AGAP3: variants seen among roughly 807,000 people sequenced by gnomAD.
AGAP3 encodes the protein ArfGAP with GTPase domain, ankyrin repeat and PH domain 3.
AGAP3 carries 24 observed loss-of-function variants against 96.9 expected under a neutral mutation model. The observed-to-expected ratio is 0.25, with a 90% CI of 0.18 to 0.35. AGAP3 has a LOEUF of 0.35. Among genes scored for constraint, AGAP3 ranks in the 10% least tolerant of loss-of-function variants. The pLI is 1.00. For synonymous variants in AGAP3, 563 were observed against 536.1 expected (o/e 1.05, Z -0.69); for missense variants, 876 against 1,254.2 (o/e 0.70, Z 4.55).
At position 151,143,362 on chromosome 7, in the gene AGAP3, A is replaced by G; in HGVS notation, c.2295A>G (p.Ile765Met). 6.2e-7 allele frequency: 1 copy of G among 1,612,994 alleles called. No homozygotes were observed. ...GCAGAGAGGAGAAGGAACGCTGGAT[A>G]CGGGCCAAGTATGAACAGAAGCTCT... ...DACREEKERW[I>M]RAKYEQKLFL... Residue 765 changes from isoleucine (I) to methionine (M), a missense_variant, in exon 17 of 18, where the codon ATA becomes ATG. Ile to Met is a conservative substitution (Grantham distance 10). This residue lies in a region of AGAP3 where 213 missense variants were observed against 253.8 expected (regional missense o/e 0.84). Coordinates refer to ENST00000397238, the MANE Select transcript of AGAP3 (RefSeq NM_031946.7). The surrounding 1 kb of genome is among the most constrained non-coding windows in gnomAD (Gnocchi z 5.9).
intron 8 of AGAP3, 189 bp from the exon 9 acceptor site, chr7:151,123,605 G>C: frequency 6.9e-7 from 1 of 1,442,418 alleles, no homozygotes. Context: ...GCTCTGTATG[G>C]TGCCGTGTGT....
At position 151,099,236 on chromosome 7, in the gene AGAP3, G is replaced by A. The variant is rs577923150; in HGVS notation, c.331+12164G>A. Among the ~76,000 whole-genome samples, 11 of 151,466 alleles carry A rather than the reference G, an allele frequency of 7.3e-5. No individual in the cohort carries two copies. The South Asian group carries it at 1.3e-3, about 17-fold the overall frequency. ...CGGGCGCCTGTAGTCCCAGCTACTCGGGAGGCTGAGGCAGGAGAATGGTGT... is the reference window on the plus strand; with the variant it reads ...CGGGCGCCTGTAGTCCCAGCTACTCAGGAGGCTGAGGCAGGAGAATGGTGT... On this transcript the variant is annotated intron_variant, in intron 1 of 17. Coordinates refer to ENST00000397238, the MANE Select transcript of AGAP3 (RefSeq NM_031946.7).
intron 1 of AGAP3, among the ~76,000 whole-genome samples, chr7:151,092,881 G>A (rs1193890236): frequency 6.6e-6 from 1 of 152,094 alleles, no homozygotes; most frequent in Admixed American, 6.6e-5. Context: ...AACTTTATGG[G>A]AGTCAAATGG....
Position 151,142,502 on chromosome 7 carries a change from T to G in AGAP3, c.2141T>G (p.Val714Gly). Residue 714 changes from valine (V) to glycine (G), a missense_variant, in exon 16 of 18, where the codon GTG becomes GGG. Val to Gly is a moderately radical substitution (Grantham distance 109). Transcript: ENST00000397238. This position sits in a 1 kb window ranked among gnomAD's most constrained non-coding sequence, Gnocchi z 7.5. ...CACCTGGGGGCTCACCTGTCCCGGG[T>G]GCGCTCCCTTGACCTCGATGACTGG... ...HRHLGAHLSR[V>G]RSLDLDDWPP... 1 of 1,613,590 alleles carries G rather than the reference T, an allele frequency of 6.2e-7. No homozygotes were observed.
chr7:151,121,208 C>T (rs995874480), intron 8 of AGAP3, among the ~76,000 whole-genome samples: 1 of 152,140 alleles, frequency 6.6e-6, no homozygotes, highest in African/African-American at 2.4e-5. Flanking sequence ...AGCCCGCCAC[C>T]TGCCCTCGCG....
At chr7:151,122,261 G>A (rs759536226) in intron 8 of AGAP3, among the ~76,000 whole-genome samples, 20 of 152,224 alleles carry the variant, frequency 1.3e-4, no homozygotes, top group Admixed American at 3.9e-4. Context: ...GGGCGGTGCC[G>A]CCTGTGGAGC....
At chr7:151,116,890 T>TC (rs1554466715) in intron 2 of AGAP3, 39 bp downstream of exon 2, 7 of 1,610,230 alleles carry the variant, frequency 4.3e-6, no homozygotes, top group Non-Finnish European at 2.5e-6. Flanking sequence ...GGCCTGGAGC[T>TC]GGGGGGGCGA....
Position 151,133,871 on chromosome 7 carries a change from A to T in AGAP3, c.1327-529A>T, listed in dbSNP as rs1407941587. On this transcript the variant is annotated intron_variant, in intron 10 of 17. Coordinates refer to ENST00000397238, the MANE Select transcript of AGAP3 (RefSeq NM_031946.7). The surrounding 1 kb of genome is among the most constrained non-coding windows in gnomAD (Gnocchi z 5.4). The stretch of plus-strand genomic sequence containing the variant: ...CACCTGTTGCTGTATTCCAAAGTCC[A>T]GCAAAAAGAATCAGAGGCTTCCTTT... 6.6e-6 allele frequency among the ~76,000 whole-genome samples: 1 copy of T among 152,212 alleles called. No individual in the cohort carries two copies. Among genetic ancestry groups the T allele is most frequent in the Non-Finnish European group, 1.5e-5 (1 of 68,028 alleles).
Position 151,086,916 on chromosome 7 carries a change from C to G in AGAP3, c.175C>G (p.Gln59Glu). ...PSQQLAGGPP[Q>E]QFALSNSAAI... is the part of the protein sequence containing the mutation. Reference sequence around the variant, plus strand: ...GCAGCAGCTGGCCGGCGGGCCCCCCCAGCAGTTCGCGCTCTCCAACTCCGC... The same window carrying G: ...GCAGCAGCTGGCCGGCGGGCCCCCCGAGCAGTTCGCGCTCTCCAACTCCGC... Residue 59 changes from glutamine (Q) to glutamate (E), a missense_variant, in exon 1 of 18, where the codon CAG becomes GAG. Around this residue, in one of 8 missense-constraint regions of AGAP3, gnomAD observed 62 missense variants for 82.8 expected, o/e 0.75. Coordinates refer to ENST00000397238, the MANE Select transcript of AGAP3 (RefSeq NM_031946.7). 6.3e-7 allele frequency: 1 copy of G among 1,583,226 alleles called. No individual in the cohort carries two copies. Among genetic ancestry groups the G allele is most frequent in the Non-Finnish European group, 8.6e-7 (1 of 1,166,528 alleles).
At position 151,123,480 on chromosome 7, in the gene AGAP3, C is replaced by T. The variant is rs1288988063; in HGVS notation, c.1129-314C>T. On this transcript the variant is annotated intron_variant, in intron 8 of 17. Coordinates refer to ENST00000397238, the MANE Select transcript of AGAP3 (RefSeq NM_031946.7). ...TGCTCCCGACCAGCAGCCCCACCGTCCACCTCCTCGCCCCCGCTTCTCTTA... is the reference window on the plus strand; with the variant it reads ...TGCTCCCGACCAGCAGCCCCACCGTTCACCTCCTCGCCCCCGCTTCTCTTA... 9 of 1,192,864 alleles carry T rather than the reference C, an allele frequency of 7.5e-6. No individual in the cohort carries two copies. In the East Asian group the frequency reaches 3.5e-4, roughly 47 times the overall value. The allele number at this position is 1,192,864 out of a possible 1,614,324, so 73.9% of individuals were successfully genotyped here.
intron 9 of AGAP3, among the ~76,000 whole-genome samples, chr7:151,126,087 TC>T (rs1563499440): frequency 1.1e-4 from 17 of 150,844 alleles, no homozygotes; most frequent in African/African-American, 4.1e-4. Context: ...AGCGGCCCGG[TC>T]GTTCCGCCCG....
chr7:151,118,853 TC>T lies in AGAP3; in HGVS notation c.969+225del, dbSNP rs769349804. Among the ~76,000 whole-genome samples the T allele has an allele frequency of 3.9e-4, 60 of 152,084 alleles. No individual in the cohort carries two copies. The highest frequency in any genetic ancestry group is 7.8e-4 in the Non-Finnish European group (53 of 68,022). On this transcript the variant is annotated intron_variant, in intron 7 of 17. Transcript: ENST00000397238. This position sits in a 1 kb window ranked among gnomAD's most constrained non-coding sequence, Gnocchi z 6.1. ...CGGTGCCTGCCCCTTCCCGCTGCAA[TC>T]CCCACTTCTCTCTGCTCTCCACCAT...
Position 151,139,974 on chromosome 7 carries a change from ACCAGCCAGTGGC to A in AGAP3, c.1668_1679del (p.Ser557_Ala560del). 13 of 1,544,824 alleles carry A rather than the reference ACCAGCCAGTGGC, an allele frequency of 8.4e-6. No individual in the cohort carries two copies. In the East Asian group the frequency reaches 3.0e-4, roughly 36 times the overall value. ...CCCACACTTCTCCAACTCTCCCCTCACCAGCCAGTGGCCCAGCTGAGGTACTCAGTTCCAGCC... is the reference window on the plus strand; with the variant it reads ...CCCACACTTCTCCAACTCTCCCCTCACCAGCTGAGGTACTCAGTTCCAGCC... On this transcript the variant is annotated splice_acceptor_variant and splice_polypyrimidine_tract_variant and coding_sequence_variant and intron_variant, in exon 13 of 18. Transcript: ENST00000397238. LOFTEE classifies it high-confidence loss of function. The surrounding 1 kb of genome is among the most constrained non-coding windows in gnomAD (Gnocchi z 4.9).
intron 1 of AGAP3, among the ~76,000 whole-genome samples, chr7:151,115,926 C>G (rs1799557271): frequency 6.6e-6 from 1 of 152,138 alleles, no homozygotes; most frequent in African/African-American, 2.4e-5. Context: ...GTCGGGGCAG[C>G]GCGCTCGCCT....
At position 151,140,227 on chromosome 7, in the gene AGAP3, A is replaced by T. The variant is rs1411606361; in HGVS notation, c.1804+111A>T. 19 of 1,233,548 alleles carry T rather than the reference A, an allele frequency of 1.5e-5. No individual in the cohort carries two copies. The highest frequency in any genetic ancestry group is 1.8e-5 in the Non-Finnish European group (17 of 961,440). The allele number at this position is 1,233,548 out of a possible 1,614,324, so 76.4% of individuals were successfully genotyped here. A position where few individuals can be genotyped will look rare whatever the true frequency, so the allele number is the denominator to read the frequency against. ...ATTTTTTGTATTCAGTGGATTAAGCACTTTCTAGTAGTTGCTAATCAAAGT... is the reference window on the plus strand; with the variant it reads ...ATTTTTTGTATTCAGTGGATTAAGCTCTTTCTAGTAGTTGCTAATCAAAGT... On this transcript the variant is annotated intron_variant, in intron 13 of 17. Coordinates refer to ENST00000397238, the MANE Select transcript of AGAP3 (RefSeq NM_031946.7). This position sits in a 1 kb window ranked among gnomAD's most constrained non-coding sequence, Gnocchi z 5.4.
At position 151,118,441 on chromosome 7, in the gene AGAP3, A is replaced by G; in HGVS notation, c.842-64A>G. The G allele has an allele frequency of 6.3e-7, 1 of 1,599,382 alleles. No individual in the cohort carries two copies. The highest frequency in any genetic ancestry group is 8.6e-7 in the Non-Finnish European group (1 of 1,168,766). ...AGAGCAAGGCTGTGTGTCTGGGGGG[A>G]GGTGCTAAGCCAGGCTTTTCCCTTC... On this transcript the variant is annotated intron_variant, in intron 6 of 17. Transcript: ENST00000397238. The surrounding 1 kb of genome is among the most constrained non-coding windows in gnomAD (Gnocchi z 6.1).
Position 151,096,865 on chromosome 7 carries a change from G to A in AGAP3, c.331+9793G>A, listed in dbSNP as rs1188937140. ...ATGATCTCAGCTCACTGCAACCTCT[G>A]CCTCCCGAGTTCAAGCAATTCTCGT... On this transcript the variant is annotated intron_variant, in intron 1 of 17. Transcript: ENST00000397238. This position sits in a 1 kb window ranked among gnomAD's most constrained non-coding sequence, Gnocchi z 4.4. Among the ~76,000 whole-genome samples, 1 of 152,038 alleles carries A rather than the reference G, an allele frequency of 6.6e-6. No individual in the cohort carries two copies. Among genetic ancestry groups the A allele is most frequent in the African/African-American group, 2.4e-5 (1 of 41,408 alleles).
intron 1 of AGAP3, among the ~76,000 whole-genome samples, chr7:151,112,813 G>A (rs1236540725): frequency 6.6e-6 from 1 of 152,036 alleles, no homozygotes; most frequent in Admixed American, 6.6e-5. Flanking sequence ...TGTTGCCCAG[G>A]CTGGTCTCCA....
intron 10 of AGAP3, 133 bp from the exon 11 acceptor site, chr7:151,134,267 T>C (rs1800507759): frequency 3.0e-6 from 3 of 1,001,036 alleles, no homozygotes; most frequent in Admixed American, 2.2e-5. Context: ...TTCTGTGGCT[T>C]AGAATCCTGC....
Sources: gnomAD v4.1 joint callset for allele counts (sites outside exome capture counted in the v4.1 genomes callset) on GRCh38, gnomAD v4.1.1 for gene constraint, gnomAD v4.1.1 regional missense constraint, Gnocchi (gnomAD v3.1) non-coding constraint, MANE v1.5 for transcripts, NCBI Gene and HGNC (gene_info 2026-07-23, HGNC 2026-07-21) for gene names.